The following TFCP2 variants were observed in gnomAD, a reference collection of about 807,000 sequenced individuals.
The protein encoded by TFCP2 is alpha-globin transcription factor CP2.
In TFCP2, 33 loss-of-function variants were observed where a neutral mutation model predicts 73.4. The ratio of observed to expected loss-of-function variants is 0.45; its 90% CI spans 0.34 to 0.60. The LOEUF (loss-of-function observed/expected upper bound fraction) is 0.60. TFCP2 is among the 20% of genes least tolerant of loss of function. The pLI is 0.01. For synonymous variants in TFCP2, 193 were observed against 211.6 expected (o/e 0.91, Z 0.76); for missense variants, 352 against 604.0 (o/e 0.58, Z 4.37).
intron 1 of TFCP2, among the ~76,000 whole-genome samples, chr12:51,157,469 T>C (rs4768973): frequency 0.088 from 13,419 of 151,744 alleles, 636 homozygotes; most frequent in Middle Eastern, 0.11. Context: ...GAATGTGTTA[T>C]TTTTTTGTAT....
At chr12:51,163,319 G>A (rs1393649860) in intron 1 of TFCP2, among the ~76,000 whole-genome samples, 1 of 152,162 alleles carries the variant, frequency 6.6e-6, no homozygotes, top group Admixed American at 6.5e-5. Context: ...GCCGGGCGCG[G>A]TGGCTCACGC....
chr12:51,113,309 A>T (rs1028599775), intron 4 of TFCP2, among the ~76,000 whole-genome samples: 1 of 152,256 alleles, frequency 6.6e-6, no homozygotes, highest in African/African-American at 2.4e-5. Context: ...ATTTTAACCA[A>T]TTAGAAATCA....
chr12:51,165,479 A>G (rs1941737602), intron 1 of TFCP2, among the ~76,000 whole-genome samples: 1 of 152,150 alleles, frequency 6.6e-6, no homozygotes, highest in Non-Finnish European at 1.5e-5. Flanking sequence ...GTTCAAAGAC[A>G]TTATGCTAAG....
chr12:51,119,307 TG>T (rs1311753537), intron 1 of TFCP2, among the ~76,000 whole-genome samples: 1 of 152,232 alleles, frequency 6.6e-6, no homozygotes, highest in Non-Finnish European at 1.5e-5. Context: ...AAAAGCTTTT[TG>T]TATCTATCAG....
intron 1 of TFCP2, among the ~76,000 whole-genome samples, chr12:51,155,925 C>T (rs1941526109): frequency 6.6e-6 from 1 of 152,096 alleles, no homozygotes; most frequent in South Asian, 2.1e-4. Flanking sequence ...GCCTGTAATC[C>T]CAGCTACTTG....
chr12:51,147,099 T>C (rs1287856879), intron 1 of TFCP2, among the ~76,000 whole-genome samples: 2 of 152,180 alleles, frequency 1.3e-5, no homozygotes, highest in East Asian at 1.9e-4. Flanking sequence ...TCCCAGCACT[T>C]TGGGAGCCCA....
At chr12:51,122,062 C>T (rs1940690124) in intron 1 of TFCP2, among the ~76,000 whole-genome samples, 1 of 151,772 alleles carries the variant, frequency 6.6e-6, no homozygotes, top group African/African-American at 2.4e-5. Context: ...AAACAAGTAG[C>T]AAATGTTCTG....
chr12:51,164,121 T>C (rs933204733), intron 1 of TFCP2, among the ~76,000 whole-genome samples: 1 of 152,090 alleles, frequency 6.6e-6, no homozygotes, highest in African/African-American at 2.4e-5. Flanking sequence ...GAGGATCACT[T>C]GAGCCCAGCA....
rs766825180 is a variant in TFCP2, at chr12:51,095,943, T to C, written c.1471+46A>G. On this transcript the variant is annotated intron_variant, in intron 14 of 14. Coordinates refer to ENST00000257915, the MANE Select transcript of TFCP2 (RefSeq NM_005653.5). ...AAGTATGTACTTTGCCTAGTAGTAG[T>C]AAAGCTGTTAAACTGCTTAGAGAAA... 4 of 1,524,098 alleles carry C rather than the reference T, an allele frequency of 2.6e-6. No individual in the cohort carries two copies. The South Asian group carries it at 3.5e-5, about 13-fold the overall frequency. The allele number at this position is 1,524,098 out of a possible 1,614,324, so 94.4% of individuals were successfully genotyped here.
chr12:51,165,003 C>A (rs931333499), intron 1 of TFCP2, among the ~76,000 whole-genome samples: 3 of 152,104 alleles, frequency 2.0e-5, no homozygotes, highest in African/African-American at 7.2e-5. Context: ...AAGAATGGAA[C>A]ACTTCCTAAC....
At chr12:51,153,663 C>T (rs1218196162) in intron 1 of TFCP2, among the ~76,000 whole-genome samples, 2 of 152,162 alleles carry the variant, frequency 1.3e-5, no homozygotes, top group East Asian at 3.8e-4. Context: ...TTTATCATTT[C>T]GTGTCTGACA....
chr12:51,118,341 T>A (rs558490483), intron 2 of TFCP2, among the ~76,000 whole-genome samples: 1 of 152,204 alleles, frequency 6.6e-6, no homozygotes, highest in South Asian at 2.1e-4. Context: ...GATCATGAGG[T>A]CAGGAGATCG....
chr12:51,145,816 G>A (rs1391811396), intron 1 of TFCP2, among the ~76,000 whole-genome samples: 3 of 151,858 alleles, frequency 2.0e-5, no homozygotes, highest in Non-Finnish European at 1.5e-5. Flanking sequence ...GCCAGGCATG[G>A]TGGTGCATAC....
chr12:51,097,809 G>A (rs1399148150), intron 13 of TFCP2, among the ~76,000 whole-genome samples: 1 of 151,976 alleles, frequency 6.6e-6, no homozygotes, highest in East Asian at 1.9e-4. Context: ...TTGAGGCCAG[G>A]AGTTCGAGAC....
intron 1 of TFCP2, among the ~76,000 whole-genome samples, chr12:51,162,714 A>C (rs935393102): frequency 5.3e-5 from 8 of 152,204 alleles, no homozygotes; most frequent in African/African-American, 1.7e-4. Flanking sequence ...TCTGTCACCC[A>C]GGCTGGAGTG....
intron 6 of TFCP2, 103 bp downstream of exon 6, chr12:51,109,018 A>T (rs1179505407): frequency 3.1e-6 from 4 of 1,305,914 alleles, no homozygotes; most frequent in African/African-American, 1.5e-5. Context: ...CGTGTGTGTG[A>T]GTTTTCAAAA....
chr12:51,101,670 C>T (rs1179184331), intron 11 of TFCP2, among the ~76,000 whole-genome samples: 1 of 152,080 alleles, frequency 6.6e-6, no homozygotes, highest in African/African-American at 2.4e-5. Flanking sequence ...CCAGAGCCTA[C>T]AATAGTACCT....
At chr12:51,122,608 C>G (rs190196208) in intron 1 of TFCP2, among the ~76,000 whole-genome samples, 4 of 152,216 alleles carry the variant, frequency 2.6e-5, no homozygotes, top group African/African-American at 7.2e-5. Flanking sequence ...GCCAGAAACA[C>G]AAAAGGCACT....
intron 1 of TFCP2, among the ~76,000 whole-genome samples, chr12:51,130,783 T>G (rs983951972): frequency 1.3e-5 from 2 of 151,914 alleles, no homozygotes; most frequent in Non-Finnish European, 2.9e-5. Context: ...GGTCAGGAGT[T>G]TAAGACCAGC....
Sources: allele counts gnomAD v4.1 joint callset (sites outside exome capture counted in the v4.1 genomes callset), GRCh38; gene constraint gnomAD v4.1.1; transcripts MANE v1.5; gene names NCBI Gene and HGNC (gene_info 2026-07-23, HGNC 2026-07-21).